The following SLC5A8 variants were observed in gnomAD, a reference collection of about 807,000 sequenced individuals.
The protein encoded by SLC5A8 is solute carrier family 5 member 8.
Under a neutral mutation model 71.9 loss-of-function variants are expected in SLC5A8, and 55 were observed. The ratio of observed to expected loss-of-function variants is 0.77; its 90% CI spans 0.62 to 0.96. SLC5A8 has a LOEUF of 0.96. SLC5A8 is among the 40% of genes least tolerant of loss of function. The pLI is 0.00. For synonymous variants in SLC5A8, 307 were observed against 276.1 expected, an observed-to-expected ratio of 1.11 and a Z score of -1.11; for missense variants, 701 against 745.3, an observed-to-expected ratio of 0.94 and a Z score of 0.69.
At chr12:101,163,830 T>C (rs1218317419) in intron 12 of SLC5A8, among the ~76,000 whole-genome samples, 1 of 152,182 alleles carries the variant, frequency 6.6e-6, no homozygotes, top group East Asian at 1.9e-4. Flanking sequence ...AATAGTTACT[T>C]GGTTAACATC....
chr12:101,182,715 C>T, intron 9 of SLC5A8, 88 bp downstream of exon 9: 1 of 842,514 alleles, frequency 1.2e-6, no homozygotes, highest in Non-Finnish European at 1.9e-6. Flanking sequence ...AGAGGTCCTT[C>T]CTCTGTAGCT....
rs756415639 is a variant in SLC5A8, at chr12:101,161,947, C to T, written c.1630+27G>A. The T allele has an allele frequency of 1.7e-5, 25 of 1,493,392 alleles. No individual in the cohort carries two copies. The Middle Eastern group carries it at 5.1e-4, about 31-fold the overall frequency. 92.5% of individuals were successfully genotyped at this position (1,493,392 alleles called of 1,614,324 possible). A position where few individuals can be genotyped will look rare whatever the true frequency, so the allele number is the denominator to read the frequency against. The stretch of plus-strand genomic sequence containing the variant: ...GTAAAAACTGATATAGAGGTAAATA[C>T]AACAATACTAATGTTTAGATAGTTA... On this transcript the variant is annotated intron_variant, in intron 13 of 14. Coordinates refer to ENST00000536262, the MANE Select transcript of SLC5A8 (RefSeq NM_145913.5).
rs1205995077 is a variant in SLC5A8 at position 101,180,192 on chromosome 12, A to C, written c.1166-96T>G. 2.4e-6 allele frequency: 3 copies of C among 1,262,578 alleles called. No homozygotes were observed. The African/African-American group carries it at 4.4e-5, about 19-fold the overall frequency. 78.2% of individuals were successfully genotyped at this position (1,262,578 alleles called of 1,614,324 possible). A position where few individuals can be genotyped will look rare whatever the true frequency, so the allele number is the denominator to read the frequency against. ...ACCACACCTTTGATTCAAAGTGGAT[A>C]ATATGACTGTGGTGAAGAATGGCCA... On this transcript the variant is annotated intron_variant, in intron 9 of 14. Transcript: ENST00000536262.
chr12:101,182,523 A>C (rs1372166911), intron 9 of SLC5A8, among the ~76,000 whole-genome samples: 6 of 152,242 alleles, frequency 3.9e-5, no homozygotes, highest in Non-Finnish European at 8.8e-5. Flanking sequence ...ATGAAGGCAC[A>C]GGAAAAAAGG....
chr12:101,166,788 C>T (rs1369037855), intron 11 of SLC5A8, 89 bp from the exon 12 acceptor site: 27 of 1,204,390 alleles, frequency 2.2e-5, no homozygotes, highest in Middle Eastern at 2.1e-4. Context: ...CAACATGGCA[C>T]GAAATTATAA....
chr12:101,206,593 A>C (rs1055967989), intron 1 of SLC5A8, among the ~76,000 whole-genome samples: 2 of 152,246 alleles, frequency 1.3e-5, no homozygotes, highest in Non-Finnish European at 2.9e-5. Flanking sequence ...CGGAGACTGG[A>C]CCAGATGCCC....
In SLC5A8 at chr12:101,195,071, A is replaced by G. The variant is rs748888298; in HGVS notation, c.537+24T>C. 8 of 1,612,976 alleles carry G rather than the reference A, an allele frequency of 5.0e-6. No individual in the cohort carries two copies. In the African/African-American group the frequency reaches 9.3e-5, roughly 19 times the overall value. On this transcript the variant is annotated intron_variant, in intron 4 of 14. Coordinates refer to ENST00000536262, the MANE Select transcript of SLC5A8 (RefSeq NM_145913.5). Reference sequence around the variant, plus strand: ...TTGCAAAGCAAGTGGGTAGAGTGAAAAGGGAAATATGTCCTGGACGTACCA... The same window carrying G: ...TTGCAAAGCAAGTGGGTAGAGTGAAGAGGGAAATATGTCCTGGACGTACCA...
chr12:101,171,748 G>A (rs931194632), intron 10 of SLC5A8, among the ~76,000 whole-genome samples: 2 of 152,212 alleles, frequency 1.3e-5, no homozygotes, highest in Non-Finnish European at 2.9e-5. Flanking sequence ...CCAGCAGGCT[G>A]GAAGGTTAGC....
intron 13 of SLC5A8, among the ~76,000 whole-genome samples, chr12:101,160,811 A>G (rs2051717366): frequency 6.6e-6 from 1 of 152,228 alleles, no homozygotes; most frequent in Non-Finnish European, 1.5e-5. Context: ...AAAATAAGAG[A>G]GAAAAAAACG....
At chr12:101,184,259 C>T in intron 7 of SLC5A8, 37 bp from the exon 8 acceptor site, 1 of 1,538,444 alleles carries the variant, frequency 6.5e-7, no homozygotes, top group Non-Finnish European at 9.0e-7. Context: ...AGTACTTTCG[C>T]TACTGAATAA....
In SLC5A8 at chr12:101,187,965, A is replaced by G. The variant is rs574536704; in HGVS notation, c.834-450T>C. On this transcript the variant is annotated intron_variant, in intron 6 of 14. Coordinates refer to ENST00000536262, the MANE Select transcript of SLC5A8 (RefSeq NM_145913.5). ...CATGAAACTTGTTTAAATGTTGTTT[A>G]TAAGACCACACATTAAGTAGGAATG... Among the ~76,000 whole-genome samples, 33 of 152,384 alleles carry G rather than the reference A, an allele frequency of 2.2e-4. 1 individual carries two copies. The highest frequency in any genetic ancestry group is 7.7e-4 in the African/African-American group (32 of 41,592).
chr12:101,181,000 CTTTGT>C (rs1566313953), intron 9 of SLC5A8, among the ~76,000 whole-genome samples: 1 of 152,154 alleles, frequency 6.6e-6, no homozygotes, highest in Non-Finnish European at 1.5e-5. Context: ...AAAAAACCCC[CTTTGT>C]TTTAATACTT....
At position 101,182,846 on chromosome 12, in the gene SLC5A8, T is replaced by A. The variant is rs1221128835; in HGVS notation, c.1122A>T (p.Arg374Ser). Residue 374 changes from arginine to serine, a missense_variant, in exon 9 of 15, where the codon AGA becomes AGT. Arg to Ser is a moderately radical substitution (Grantham distance 110). Transcript: ENST00000536262. Reference sequence around the variant, plus strand: ...AAGACAGAGACCTTTCTGAGAGCGATCTGAAGTAAGGTTTGATTAGATCTT... The same window carrying A: ...AAGACAGAGACCTTTCTGAGAGCGAACTGAAGTAAGGTTTGATTAGATCTT... ...TVEDLIKPYF[R>S]SLSERSLSWI... 1.3e-6 allele frequency: 2 copies of A among 1,596,280 alleles called. No individual in the cohort carries two copies. The highest frequency in any genetic ancestry group is 3.6e-5 in the Admixed American group (2 of 56,308).
rs1043285411 is a variant in SLC5A8 at position 101,187,571 on chromosome 12, T to G, written c.834-56A>C. 3.9e-6 allele frequency: 6 copies of G among 1,554,678 alleles called. No individual in the cohort carries two copies. In the East Asian group the frequency reaches 1.4e-4, roughly 36 times the overall value. ...CAACTGTAATTTCTGTCCCAAAGATTAGGAAACCTGTTACATGATCAAAAG... is the reference window on the plus strand; with the variant it reads ...CAACTGTAATTTCTGTCCCAAAGATGAGGAAACCTGTTACATGATCAAAAG... On this transcript the variant is annotated intron_variant, in intron 6 of 14. Coordinates refer to ENST00000536262, the MANE Select transcript of SLC5A8 (RefSeq NM_145913.5).
intron 3 of SLC5A8, 129 bp downstream of exon 3, chr12:101,202,035 C>G: frequency 1.1e-6 from 1 of 908,428 alleles, no homozygotes; most frequent in Non-Finnish European, 1.7e-6. Context: ...CATCCTGCCC[C>G]GCTAAGTAAA....
rs185190064 is a variant in SLC5A8, at chr12:101,164,604, G to A, written c.1526+1890C>T. On this transcript the variant is annotated intron_variant, in intron 12 of 14. Transcript: ENST00000536262. ...CTTCAGTCCTTCATGCTTTTGCACCGGTCGTTTCTTCATTCTGCGACACAC... is the reference window on the plus strand; with the variant it reads ...CTTCAGTCCTTCATGCTTTTGCACCAGTCGTTTCTTCATTCTGCGACACAC... Among the ~76,000 whole-genome samples the A allele has an allele frequency of 7.4e-4, 112 of 152,092 alleles. 1 individual carries two copies. Among genetic ancestry groups the A allele is most frequent in the Admixed American group, 6.2e-3 (94 of 15,264 alleles).
intron 10 of SLC5A8, among the ~76,000 whole-genome samples, chr12:101,173,610 C>A (rs1045820315): frequency 2.0e-5 from 3 of 152,240 alleles, no homozygotes; most frequent in South Asian, 2.1e-4. Context: ...CTGGGGCACA[C>A]CCCTTGAGAA....
At position 101,159,846 on chromosome 12, in the gene SLC5A8, C is replaced by T. The variant is rs1370035648; in HGVS notation, c.1631-1518G>A. Among the ~76,000 whole-genome samples, 4 of 152,062 alleles carry T rather than the reference C, an allele frequency of 2.6e-5. No individual in the cohort carries two copies. In the East Asian group the frequency reaches 7.7e-4, roughly 29 times the overall value. On this transcript the variant is annotated intron_variant, in intron 13 of 14. Transcript: ENST00000536262. Reference sequence around the variant, plus strand: ...ACAGGGAGACTGGTTAGGTGTATTCCAGATCTGAACAACTGAATAACTGCT... The same window carrying T: ...ACAGGGAGACTGGTTAGGTGTATTCTAGATCTGAACAACTGAATAACTGCT...
At chr12:101,163,912 T>C (rs2051745344) in intron 12 of SLC5A8, among the ~76,000 whole-genome samples, 1 of 152,188 alleles carries the variant, frequency 6.6e-6, no homozygotes, top group Admixed American at 6.5e-5. Flanking sequence ...GTTAACTGAG[T>C]ATCCACATGG....
Sources: gnomAD v4.1 joint callset for allele counts (sites outside exome capture counted in the v4.1 genomes callset) on GRCh38, gnomAD v4.1.1 for gene constraint, MANE v1.5 for transcripts, NCBI Gene and HGNC (gene_info 2026-07-23, HGNC 2026-07-21) for gene names.